DLC1: variants seen among roughly 807,000 people sequenced by gnomAD.
DLC1 encodes the protein rho GTPase-activating protein 7.
Under a neutral mutation model 140.3 loss-of-function variants are expected in DLC1, and 54 were observed. The observed-to-expected ratio is 0.38, with a 90% confidence interval of 0.31 to 0.48. The LOEUF is 0.48. DLC1 is among the 20% of genes least tolerant of loss of function. The pLI is 0.96. For missense variants in DLC1, 2,536 were observed against 1,907.0 expected (o/e 1.33, Z -6.14); for synonymous variants, 986 against 728.1 (o/e 1.35, Z -5.70).
At chr8:13,463,059 T>C (rs1799744844) in intron 2 of DLC1, among the ~76,000 whole-genome samples, 1 of 143,566 alleles carries the variant, frequency 7.0e-6, no homozygotes, top group Non-Finnish European at 1.5e-5. Context: ...CAACATAGCC[T>C]CTTACATAGT....
Position 13,377,573 on chromosome 8 carries a change from A to G in DLC1, c.1314+15980T>C, listed in dbSNP as rs531480750. Among the ~76,000 whole-genome samples the G allele has an allele frequency of 4.6e-5, 7 of 152,306 alleles. No homozygotes were observed. The East Asian group carries it at 9.7e-4, about 21-fold the overall frequency. On this transcript the variant is annotated intron_variant, in intron 4 of 17. Coordinates refer to ENST00000276297, the MANE Select transcript of DLC1 (RefSeq NM_182643.3). ...TCCTTATCCTAAGACATCAATTTTT[A>G]TAGACCTAGAGCAAAGTCAAATATT...
intron 2 of DLC1, among the ~76,000 whole-genome samples, chr8:13,422,711 C>G (rs563665111): frequency 2.0e-5 from 3 of 150,838 alleles, no homozygotes; most frequent in African/African-American, 7.3e-5. Flanking sequence ...ACTATTAGAT[C>G]AATAATATAG....
intron 5 of DLC1, among the ~76,000 whole-genome samples, chr8:13,204,394 G>A (rs1381549477): frequency 3.9e-5 from 6 of 152,144 alleles, no homozygotes; most frequent in Non-Finnish European, 5.9e-5. Flanking sequence ...ATAGGTGAAG[G>A]TTAAGTACAC....
chr8:13,314,254 A>G (rs1015411794), intron 4 of DLC1, among the ~76,000 whole-genome samples: 1 of 148,472 alleles, frequency 6.7e-6, no homozygotes, highest in African/African-American at 2.4e-5. Flanking sequence ...ATACATGTGT[A>G]TACATATTAT....
chr8:13,494,175 T>TG (rs1412757518), intron 2 of DLC1, among the ~76,000 whole-genome samples: 4 of 152,230 alleles, frequency 2.6e-5, no homozygotes, highest in African/African-American at 9.6e-5. Context: ...ATATGCAGCT[T>TG]GGTTATTTCT....
chr8:13,143,282 T>C (rs2128972364), intron 5 of DLC1, among the ~76,000 whole-genome samples: 1 of 152,344 alleles, frequency 6.6e-6, no homozygotes, highest in South Asian at 2.1e-4. Flanking sequence ...TACTGACCGC[T>C]GTTGTGCTCT....
intron 2 of DLC1, among the ~76,000 whole-genome samples, chr8:13,416,736 G>C (rs150666543): frequency 3.5e-4 from 53 of 152,258 alleles, no homozygotes; most frequent in African/African-American, 1.3e-3. Flanking sequence ...TACCTGATTA[G>C]AACAATTAAT....
intron 5 of DLC1, among the ~76,000 whole-genome samples, chr8:13,208,588 C>T (rs571793824): frequency 8.5e-5 from 13 of 152,126 alleles, no homozygotes; most frequent in Admixed American, 3.3e-4. Flanking sequence ...GATATTTTAT[C>T]GAACTTCTGC....
chr8:13,254,099 C>G (rs1830115686), intron 5 of DLC1, among the ~76,000 whole-genome samples: 1 of 151,936 alleles, frequency 6.6e-6, no homozygotes, highest in African/African-American at 2.4e-5. Flanking sequence ...TAGGTGTATT[C>G]ATCTTCTCGG....
intron 1 of DLC1, among the ~76,000 whole-genome samples, chr8:13,502,032 T>C (rs1801844687): frequency 6.6e-6 from 1 of 152,194 alleles, no homozygotes; most frequent in African/African-American, 2.4e-5. Flanking sequence ...CACATTTATA[T>C]TTTAAGTTGA....
At chr8:13,245,643 A>G (rs1415007662) in intron 5 of DLC1, among the ~76,000 whole-genome samples, 1 of 152,116 alleles carries the variant, frequency 6.6e-6, no homozygotes. Flanking sequence ...CACTCCCATC[A>G]TCAGAAATTG....
At chr8:13,247,487 C>T (rs1205768964) in intron 5 of DLC1, among the ~76,000 whole-genome samples, 1 of 152,150 alleles carries the variant, frequency 6.6e-6, no homozygotes, top group Non-Finnish European at 1.5e-5. Context: ...CTTGCAACAA[C>T]CTCATGAGAC....
chr8:13,195,860 A>G (rs1585887858), intron 5 of DLC1, among the ~76,000 whole-genome samples: 1 of 152,176 alleles, frequency 6.6e-6, no homozygotes, highest in African/African-American at 2.4e-5. Flanking sequence ...TAAAAAAATG[A>G]GCAAGGGGTC....
rs746504213 is a variant in DLC1, at chr8:13,094,904, C to G, written c.3381G>C (p.Gln1127His). 43 of 1,614,258 alleles carry G rather than the reference C, an allele frequency of 2.7e-5. 2 individuals carry two copies. In the South Asian group the frequency reaches 4.7e-4, roughly 18 times the overall value. ...CACAGTCTATGGCACCTTCATTCAT[C>G]TGGCGCAGAGCCTGAATCCGGGACT... Reference protein sequence around the residue: ...GVKSRIQALRQMNEGAIDCVN... With the variant: ...GVKSRIQALRHMNEGAIDCVN... Residue 1127 changes from glutamine to histidine, a missense_variant, in exon 12 of 18, where the codon CAG becomes CAC. Gln to His is a conservative substitution (Grantham distance 24). Transcript: ENST00000276297.
At chr8:13,279,595 C>G (rs1310447390) in intron 5 of DLC1, among the ~76,000 whole-genome samples, 1 of 152,160 alleles carries the variant, frequency 6.6e-6, no homozygotes, top group Non-Finnish European at 1.5e-5. Context: ...CAACGTAGAG[C>G]TGACAATTTG....
At chr8:13,291,688 A>C (rs961161280) in intron 5 of DLC1, among the ~76,000 whole-genome samples, 3 of 152,198 alleles carry the variant, frequency 2.0e-5, no homozygotes, top group Non-Finnish European at 4.4e-5. Flanking sequence ...AATAAATATA[A>C]ATAAGGTAAA....
chr8:13,264,516 G>A (rs1229852924), intron 5 of DLC1, among the ~76,000 whole-genome samples: 2 of 152,162 alleles, frequency 1.3e-5, no homozygotes, highest in Non-Finnish European at 2.9e-5. Flanking sequence ...ACACTTAAAT[G>A]TGTAACGAGT....
chr8:13,098,651 T>G (rs1585608364), intron 9 of DLC1, 76 bp from the exon 10 acceptor site: 2 of 1,456,818 alleles, frequency 1.4e-6, no homozygotes, highest in Non-Finnish European at 1.8e-6. Flanking sequence ...TTTCTTGCTC[T>G]GTTGCCCAGG....
intron 2 of DLC1, among the ~76,000 whole-genome samples, chr8:13,497,036 G>A (rs1193411947): frequency 2.0e-5 from 3 of 151,822 alleles, no homozygotes; most frequent in Admixed American, 1.3e-4. Context: ...TCCTGACCTC[G>A]TGATACGCCT....
Sources: allele counts gnomAD v4.1 joint callset (sites outside exome capture counted in the v4.1 genomes callset), GRCh38; gene constraint gnomAD v4.1.1; transcripts MANE v1.5; gene names NCBI Gene and HGNC (gene_info 2026-07-23, HGNC 2026-07-21).